Variants in SRGAP3 observed in about 807,000 individuals in gnomAD.
The protein encoded by SRGAP3 is SLIT-ROBO Rho GTPase-activating protein 3.
A neutral mutation model predicts 121.1 loss-of-function variants in SRGAP3; 39 were observed. The observed-to-expected ratio is 0.32, with a 90% CI of 0.25 to 0.42. SRGAP3 has a LOEUF of 0.42. Among genes scored for constraint, SRGAP3 ranks in the 10% least tolerant of loss-of-function variants. The pLI is 1.00. For synonymous variants in SRGAP3, 601 were observed against 570.0 expected (o/e 1.05, Z -0.77); for missense variants, 1,213 against 1,470.6 (o/e 0.82, Z 2.86).
At chr3:9,022,132 T>A (rs559869350) in intron 14 of SRGAP3, among the ~76,000 whole-genome samples, 1 of 152,044 alleles carries the variant, frequency 6.6e-6, no homozygotes, top group Non-Finnish European at 1.5e-5. Flanking sequence ...ATGGAGACCA[T>A]CCTGGCCAAC....
chr3:9,344,497 C>T (rs960713873), intron 1 of SRGAP3, among the ~76,000 whole-genome samples: 1 of 151,882 alleles, frequency 6.6e-6, no homozygotes, highest in African/African-American at 2.4e-5. Flanking sequence ...CCAGGTGTGA[C>T]GGCAGGCACC....
rs1167381945 is a variant in SRGAP3, at chr3:9,126,643, AAC to A, written c.68-1728_68-1727del. On this transcript the variant is annotated intron_variant, in intron 1 of 21. Transcript: ENST00000383836. ...AAACTAACTAACTAACTAACTAACTAACTAAATAAATAAATAAATAAATAATG... is the reference window on the plus strand; with the variant it reads ...AAACTAACTAACTAACTAACTAACTATAAATAAATAAATAAATAAATAATG... Among the ~76,000 whole-genome samples, 629 of 135,048 alleles carry A rather than the reference AAC, an allele frequency of 4.7e-3. 2 individuals are homozygous for A. Among genetic ancestry groups the A allele is most frequent in the African/African-American group, 0.012 (350 of 28,812 alleles). The allele number at this position is 135,048 out of a possible 152,430, so 88.6% of individuals were successfully genotyped here.
At chr3:9,086,532 A>C (rs907853496) in intron 3 of SRGAP3, among the ~76,000 whole-genome samples, 2 of 151,128 alleles carry the variant, frequency 1.3e-5, no homozygotes, top group African/African-American at 2.4e-5. Context: ...AAAAAAAAAA[A>C]AAAAAACCAT....
In SRGAP3 at chr3:9,249,277, G is replaced by A. The variant is rs990280824; in HGVS notation, c.-326C>T. On this transcript the variant is annotated 5_prime_UTR_variant, in exon 1 of 22. Transcript: ENST00000383836. ...ATAATAATAATAGTAATAACCAAGC[G>A]CACTCACACACACATGCACACGTAC... 1.5e-5 allele frequency: 7 copies of A among 461,444 alleles called. No homozygotes were observed. The highest frequency in any genetic ancestry group is 4.3e-5 in the South Asian group (2 of 46,814). The allele number at this position is 461,444 out of a possible 1,614,324, so 28.6% of individuals were successfully genotyped here. A position where few individuals can be genotyped will look rare whatever the true frequency, so the allele number is the denominator to read the frequency against.
intron 9 of SRGAP3, among the ~76,000 whole-genome samples, chr3:9,047,979 CCT>C (rs1278069805): frequency 5.9e-5 from 9 of 152,306 alleles, no homozygotes; most frequent in African/African-American, 1.2e-4. Flanking sequence ...CTTGCAGGCC[CCT>C]GAGAGGCTTT....
At chr3:9,171,687 T>C (rs1224043360) in intron 1 of SRGAP3, among the ~76,000 whole-genome samples, 3 of 152,126 alleles carry the variant, frequency 2.0e-5, no homozygotes, top group Non-Finnish European at 4.4e-5. Flanking sequence ...CCAAACTAAA[T>C]ATGATGTGAA....
At chr3:9,065,487 T>G (rs1179477848) in intron 4 of SRGAP3, 1 of 152,244 alleles carries the variant, frequency 6.6e-6, no homozygotes, top group East Asian at 1.9e-4. Context: ...TCATGGCCCT[T>G]TGCAGCCAAT....
Position 8,985,181 on chromosome 3 carries a change from T to G in SRGAP3, c.*338A>C. 3 of 432,428 alleles carry G rather than the reference T, an allele frequency of 6.9e-6. No homozygotes were observed. The highest frequency in any genetic ancestry group is 8.5e-6 in the Non-Finnish European group (2 of 234,878). The allele number at this position is 432,428 out of a possible 1,614,324, so 26.8% of individuals were successfully genotyped here. ...ACATCGATATACACACACATATACGTATGTAGAGAGAATGTCGAGAGAGGA... is the reference window on the plus strand; with the variant it reads ...ACATCGATATACACACACATATACGGATGTAGAGAGAATGTCGAGAGAGGA... On this transcript the variant is annotated 3_prime_UTR_variant, in exon 22 of 22. Coordinates refer to ENST00000383836, the MANE Select transcript of SRGAP3 (RefSeq NM_014850.4). The surrounding 1 kb of genome is among the most constrained non-coding windows in gnomAD (Gnocchi z 5.1).
At chr3:9,283,060 C>T (rs957951341) in intron 3 of SRGAP3, among the ~76,000 whole-genome samples, 7 of 152,060 alleles carry the variant, frequency 4.6e-5, no homozygotes, top group Admixed American at 3.9e-4. Context: ...CCCGCCTCAG[C>T]CTCCCAAGTA....
intron 10 of SRGAP3, among the ~76,000 whole-genome samples, chr3:9,042,566 G>T (rs565423058): frequency 1.3e-5 from 2 of 152,296 alleles, no homozygotes; most frequent in African/African-American, 4.8e-5. Flanking sequence ...AAAGCCACAA[G>T]CAGTTACATG....
chr3:9,107,291 C>T (rs1948451975), intron 2 of SRGAP3, among the ~76,000 whole-genome samples: 1 of 152,218 alleles, frequency 6.6e-6, no homozygotes, highest in African/African-American at 2.4e-5. Context: ...GAGGGGCTCA[C>T]TGCTGAGTGG....
intron 1 of SRGAP3, among the ~76,000 whole-genome samples, chr3:9,214,467 C>T (rs1057158823): frequency 1.3e-5 from 2 of 152,184 alleles, no homozygotes; most frequent in Non-Finnish European, 2.9e-5. Context: ...GTTCCTCCCT[C>T]GGTTTACTGT....
At chr3:9,041,003 G>C (rs1944984856) in intron 10 of SRGAP3, among the ~76,000 whole-genome samples, 1 of 152,188 alleles carries the variant, frequency 6.6e-6, no homozygotes, top group Non-Finnish European at 1.5e-5. Context: ...CAAAGTATAT[G>C]CTCAACAAAT....
chr3:9,310,008 C>T (rs916680406), intron 3 of SRGAP3, among the ~76,000 whole-genome samples: 1 of 152,178 alleles, frequency 6.6e-6, no homozygotes, highest in African/African-American at 2.4e-5. Flanking sequence ...CTGACATCTA[C>T]TCATTGAGTC....
chr3:9,056,319 C>T lies in SRGAP3; in HGVS notation c.1039G>A (p.Ala347Thr), dbSNP rs1177052517. The change falls in exon 8 of 22, where the codon GCT (alanine) becomes ACT (threonine). Residue 347 changes from alanine to threonine, a missense_variant. Transcript: ENST00000383836. ...AGTTCTGTCTGGACGGGCTGCTGAG[C>T]GCTGACCTGGCAGACCTGCAGGAAT... ...HMGDEVCQVSAQQPVQTELLM... is the reference protein window; with the variant it reads ...HMGDEVCQVSTQQPVQTELLM... 2.5e-6 allele frequency: 4 copies of T among 1,613,094 alleles called. No individual in the cohort carries two copies. The highest frequency in any genetic ancestry group is 3.4e-6 in the Non-Finnish European group (4 of 1,179,918).
chr3:9,056,926 G>A (rs1263963546), intron 7 of SRGAP3, among the ~76,000 whole-genome samples: 1 of 152,132 alleles, frequency 6.6e-6, no homozygotes, highest in South Asian at 2.1e-4. Context: ...CTGTCACCCA[G>A]GCTGGAATGC....
In SRGAP3 at chr3:9,021,500, C is replaced by A. The variant is rs968726504; in HGVS notation, c.1678+3761G>T. Reference sequence around the variant, plus strand: ...GAGCAGTGAGTTTAAGATTTACTGACGACAACAACAAAAAGAATTCCAACT... The same window carrying A: ...GAGCAGTGAGTTTAAGATTTACTGAAGACAACAACAAAAAGAATTCCAACT... On this transcript the variant is annotated intron_variant, in intron 14 of 21. Transcript: ENST00000383836. Among the ~76,000 whole-genome samples, 4 of 151,054 alleles carry A rather than the reference C, an allele frequency of 2.6e-5. No individual in the cohort carries two copies. The East Asian group carries it at 5.8e-4, about 22-fold the overall frequency.
At chr3:9,098,900 T>C (rs1948096866) in intron 3 of SRGAP3, among the ~76,000 whole-genome samples, 1 of 152,168 alleles carries the variant, frequency 6.6e-6, no homozygotes, top group South Asian at 2.1e-4. Flanking sequence ...CGTTCGCGAC[T>C]TCATCTCCCT....
At chr3:9,137,954 T>G (rs1449685429) in intron 1 of SRGAP3, among the ~76,000 whole-genome samples, 2 of 152,242 alleles carry the variant, frequency 1.3e-5, no homozygotes, top group Non-Finnish European at 1.5e-5. Context: ...GAGATTAATA[T>G]TCACGGTTTT....
Sources: gnomAD v4.1 joint callset for allele counts (sites outside exome capture counted in the v4.1 genomes callset) on GRCh38, gnomAD v4.1.1 for gene constraint, Gnocchi (gnomAD v3.1) non-coding constraint, MANE v1.5 for transcripts, NCBI Gene and HGNC (gene_info 2026-07-23, HGNC 2026-07-21) for gene names.